Variants in TNS3 observed in about 807,000 individuals in gnomAD.
TNS3 encodes the protein tensin 3.
In TNS3, 45 loss-of-function variants were observed where a neutral mutation model predicts 140.9. The observed-to-expected ratio is 0.32, with a 90% CI of 0.25 to 0.41. The LOEUF is 0.41. TNS3 is among the 10% of genes least tolerant of loss of function. The probability of loss-of-function intolerance (pLI) is 1.00; values close to 1 mark genes in which losing one functional copy is unlikely to be tolerated. For missense variants in TNS3, 1,716 were observed against 1,906.7 expected, an observed-to-expected ratio of 0.90 and a Z score of 1.86; for synonymous variants, 815 against 788.4, an observed-to-expected ratio of 1.03 and a Z score of -0.56.
intron 17 of TNS3, among the ~76,000 whole-genome samples, chr7:47,356,499 G>A (rs766723956): frequency 1.4e-4 from 22 of 152,120 alleles, no homozygotes; most frequent in African/African-American, 3.9e-4. Context: ...CATTTTTAGC[G>A]TCTGCATTTT....
intron 20 of TNS3, among the ~76,000 whole-genome samples, chr7:47,333,717 G>A (rs1179197583): frequency 6.6e-6 from 1 of 152,282 alleles, no homozygotes; most frequent in Non-Finnish European, 1.5e-5. Context: ...ATAAAGCATT[G>A]TGTCAAAATA....
At chr7:47,414,454 C>T (rs1257378518) in intron 11 of TNS3, among the ~76,000 whole-genome samples, 3 of 152,172 alleles carry the variant, frequency 2.0e-5, no homozygotes, top group African/African-American at 7.2e-5. Flanking sequence ...AGGGCCCTGA[C>T]CCTCAGCCAT....
At chr7:47,495,910 G>A (rs1797991125) in intron 3 of TNS3, among the ~76,000 whole-genome samples, 1 of 152,196 alleles carries the variant, frequency 6.6e-6, no homozygotes, top group African/African-American at 2.4e-5. Flanking sequence ...GACCACTCAG[G>A]AGAGCAGTGG....
chr7:47,444,002 G>C (rs1795597803), intron 4 of TNS3, among the ~76,000 whole-genome samples: 1 of 152,096 alleles, frequency 6.6e-6, no homozygotes, highest in Non-Finnish European at 1.5e-5. Context: ...TCTCCGAAAA[G>C]GTAAGGAAAT....
chr7:47,414,498 G>A (rs1015987569), intron 11 of TNS3, among the ~76,000 whole-genome samples: 1 of 152,214 alleles, frequency 6.6e-6, no homozygotes, highest in African/African-American at 2.4e-5. Flanking sequence ...CAAGGGAGGA[G>A]GGATAGGGCC....
intron 17 of TNS3, among the ~76,000 whole-genome samples, chr7:47,353,309 G>A (rs1789794541): frequency 6.6e-6 from 1 of 152,170 alleles, no homozygotes; most frequent in African/African-American, 2.4e-5. Context: ...GAGGTGAGGG[G>A]TGAACAGGTG....
At chr7:47,576,874 T>G (rs969589293) in intron 1 of TNS3, among the ~76,000 whole-genome samples, 4 of 152,224 alleles carry the variant, frequency 2.6e-5, no homozygotes. Flanking sequence ...GCCCGGGCTC[T>G]CCTGTAAAAA....
chr7:47,339,956 CATATATATATATAT>C (rs35991026), intron 20 of TNS3, among the ~76,000 whole-genome samples: 1 of 136,502 alleles, frequency 7.3e-6, no homozygotes, highest in Admixed American at 7.5e-5. Context: ...TTATAAGTGG[CATATATATATATAT>C]ATATATATAT....
At chr7:47,366,735 C>G (rs1296127396) in intron 17 of TNS3, among the ~76,000 whole-genome samples, 1 of 152,212 alleles carries the variant, frequency 6.6e-6, no homozygotes, top group African/African-American at 2.4e-5. Flanking sequence ...CCATGTGAAC[C>G]TGGGCAGGCC....
intron 3 of TNS3, among the ~76,000 whole-genome samples, chr7:47,482,573 C>G (rs1797461551): frequency 6.6e-6 from 1 of 152,232 alleles, no homozygotes; most frequent in Non-Finnish European, 1.5e-5. Context: ...CCATGGTTAA[C>G]AGAGCGGTGT....
chr7:47,510,970 G>A (rs1217378461), intron 2 of TNS3, among the ~76,000 whole-genome samples: 1 of 151,980 alleles, frequency 6.6e-6, no homozygotes, highest in Non-Finnish European at 1.5e-5. Context: ...ATTTTCCTGA[G>A]ATTGTATAAC....
intron 2 of TNS3, among the ~76,000 whole-genome samples, chr7:47,526,747 T>G (rs1799207267): frequency 6.6e-6 from 1 of 152,224 alleles, no homozygotes; most frequent in Non-Finnish European, 1.5e-5. Flanking sequence ...ATGCTGCTCA[T>G]GACAGCTCTC....
At chr7:47,504,335 G>A (rs1193244176) in intron 3 of TNS3, among the ~76,000 whole-genome samples, 1 of 152,194 alleles carries the variant, frequency 6.6e-6, no homozygotes, top group East Asian at 1.9e-4. Flanking sequence ...GGGGCTCTGA[G>A]GGCCTGGATG....
chr7:47,288,364 C>T (rs1785527102), intron 27 of TNS3, among the ~76,000 whole-genome samples: 1 of 152,228 alleles, frequency 6.6e-6, no homozygotes, highest in Admixed American at 6.5e-5. Context: ...GTTGCTATCA[C>T]CGTTCTTCTG....
intron 3 of TNS3, among the ~76,000 whole-genome samples, chr7:47,503,261 C>T (rs910911468): frequency 2.0e-5 from 3 of 152,122 alleles, no homozygotes; most frequent in African/African-American, 4.8e-5. Flanking sequence ...AGGCATCTCA[C>T]CATGATGCCA....
chr7:47,533,123 A>ATATTTTTTT (rs1186427934), intron 1 of TNS3, among the ~76,000 whole-genome samples: 3 of 88,828 alleles, frequency 3.4e-5, no homozygotes, highest in African/African-American at 1.9e-4. Flanking sequence ...ATATATATAT[A>ATATTTTTTT]TTTTTTTTTT....
chr7:47,571,534 G>A (rs569045344), intron 1 of TNS3, among the ~76,000 whole-genome samples: 5 of 152,356 alleles, frequency 3.3e-5, no homozygotes, highest in East Asian at 1.9e-4. Context: ...AGGCGAAACC[G>A]TGCAGAAAAA....
chr7:47,369,343 C>G lies in TNS3; in HGVS notation c.1303G>C (p.Glu435Gln). The G allele has an allele frequency of 6.2e-7, 1 of 1,614,220 alleles. No individual in the cohort carries two copies. The change falls in exon 17 of 31, where the codon GAA becomes CAA. Residue 435 changes from glutamate (E) to glutamine (Q), a missense_variant. This residue lies in a region of TNS3 where 1,163 missense variants were observed against 1,182.1 expected (regional missense o/e 0.98). Coordinates refer to ENST00000311160, the MANE Select transcript of TNS3 (RefSeq NM_022748.12). Reference sequence around the variant, plus strand: ...TCCTTGAGGGAGCTTCCAGGATCTTCCAGGCCAAAGCCACTGAGCAGCTGG... The same window carrying G: ...TCCTTGAGGGAGCTTCCAGGATCTTGCAGGCCAAAGCCACTGAGCAGCTGG... The part of the protein sequence containing the change: ...LDQLLSGFGL[E>Q]DPGSSLKEMT...
chr7:47,535,042 C>T (rs1161018227), intron 1 of TNS3, among the ~76,000 whole-genome samples: 1 of 152,226 alleles, frequency 6.6e-6, no homozygotes, highest in East Asian at 1.9e-4. Context: ...ACGTACTTTT[C>T]ACTCGTATTG....
Sources: allele counts gnomAD v4.1 joint callset (sites outside exome capture counted in the v4.1 genomes callset), GRCh38; gene constraint gnomAD v4.1.1; regional missense constraint gnomAD v4.1.1; transcripts MANE v1.5; gene names NCBI Gene and HGNC (gene_info 2026-07-23, HGNC 2026-07-21).